The following RARB variants were observed in gnomAD, a reference collection of about 807,000 sequenced individuals.
The protein encoded by RARB is retinoic acid receptor beta.
RARB carries 17 observed loss-of-function variants against 51.9 expected under a neutral mutation model. The ratio of observed to expected loss-of-function variants is 0.33; its 90% CI spans 0.22 to 0.49. The LOEUF is 0.49. RARB is among the 20% of genes least tolerant of loss of function. The pLI is 0.99. For synonymous variants in RARB, 215 were observed against 195.4 expected, an observed-to-expected ratio of 1.10 and a Z score of -0.84; for missense variants, 369 against 550.8, an observed-to-expected ratio of 0.67 and a Z score of 3.30.
At chr3:25,134,713 G>T (rs1340710000) in intron 4 of RARB, among the ~76,000 whole-genome samples, 1 of 151,822 alleles carries the variant, frequency 6.6e-6, no homozygotes, top group African/African-American at 2.4e-5. Flanking sequence ...ATCCAGAATG[G>T]ATTAGAATTG....
chr3:25,490,738 A>T (rs946933190), intron 2 of RARB, among the ~76,000 whole-genome samples: 1 of 152,200 alleles, frequency 6.6e-6, no homozygotes, highest in Non-Finnish European at 1.5e-5. Flanking sequence ...TTAAAAACTT[A>T]AAATTCATTG....
intron 4 of RARB, among the ~76,000 whole-genome samples, chr3:25,135,179 A>G (rs1010722064): frequency 5.9e-5 from 9 of 151,978 alleles, no homozygotes; most frequent in African/African-American, 2.2e-4. Flanking sequence ...TAGAGTAGCC[A>G]CTAGCCAGGT....
intron 3 of RARB, among the ~76,000 whole-genome samples, chr3:25,532,530 G>A (rs915326403): frequency 6.6e-6 from 1 of 152,134 alleles, no homozygotes; most frequent in Non-Finnish European, 1.5e-5. Flanking sequence ...TTAGAGTGTC[G>A]TGGTAGTTTC....
intron 4 of RARB, among the ~76,000 whole-genome samples, chr3:25,171,245 A>C (rs1036949113): frequency 2.0e-5 from 3 of 151,808 alleles, no homozygotes; most frequent in Non-Finnish European, 4.4e-5. Context: ...GAAGGAAAGA[A>C]CCCCAGATGA....
rs180780753 is a variant in RARB, at chr3:25,205,763, G to A, written c.178+31188G>A. Among the ~76,000 whole-genome samples, 133 of 149,354 alleles carry A rather than the reference G, an allele frequency of 8.9e-4. No homozygotes were observed. In the Middle Eastern group the frequency reaches 0.01, roughly 11 times the overall value. On this transcript the variant is annotated intron_variant, in intron 5 of 11. Coordinates refer to the RARB transcript ENST00000383772. ...TTAAAAACCTTTTTTTTTTTCTTGA[G>A]ACGGGGTCTCACTCTGTTGCCCTAG...
chr3:25,461,052 A>G (rs1448673944), intron 1 of RARB, 141 bp from the exon 2 acceptor site: 9 of 952,362 alleles, frequency 9.5e-6, no homozygotes, highest in Non-Finnish European at 1.4e-5. Flanking sequence ...TGGGCCTACA[A>G]TGACAGCTGT....
chr3:24,883,035 T>G (rs1181685799), intron 2 of RARB, among the ~76,000 whole-genome samples: 1 of 152,192 alleles, frequency 6.6e-6, no homozygotes, highest in Non-Finnish European at 1.5e-5. Context: ...AAGCTGAACA[T>G]GTCAAACGGA....
At chr3:25,225,384 A>G (rs772332611) in intron 5 of RARB, among the ~76,000 whole-genome samples, 2 of 152,140 alleles carry the variant, frequency 1.3e-5, no homozygotes, top group Non-Finnish European at 2.9e-5. Context: ...GAAAAGGGTA[A>G]TATCTGAGTA....
intron 5 of RARB, among the ~76,000 whole-genome samples, chr3:25,302,481 T>G (rs970221367): frequency 6.6e-6 from 1 of 152,176 alleles, no homozygotes; most frequent in Non-Finnish European, 1.5e-5. Flanking sequence ...CCTGAATACA[T>G]TATGCTGAGT....
intron 5 of RARB, among the ~76,000 whole-genome samples, chr3:25,387,070 G>A (rs1706816628): frequency 6.6e-6 from 1 of 152,178 alleles, no homozygotes; most frequent in Admixed American, 6.5e-5. Flanking sequence ...TACAAATGTA[G>A]AAATGCATCT....
intron 2 of RARB, among the ~76,000 whole-genome samples, chr3:25,002,681 T>G (rs1697187213): frequency 6.6e-6 from 1 of 152,158 alleles, no homozygotes. Context: ...TGTGTATATA[T>G]AGTAAATATG....
intron 5 of RARB, among the ~76,000 whole-genome samples, chr3:25,407,969 G>T (rs919825342): frequency 6.6e-6 from 1 of 152,020 alleles, no homozygotes; most frequent in Non-Finnish European, 1.5e-5. Flanking sequence ...TGCCCACAGC[G>T]GTAACGTCTC....
intron 3 of RARB, among the ~76,000 whole-genome samples, chr3:25,503,891 C>G (rs182300836): frequency 9.9e-5 from 15 of 152,156 alleles, no homozygotes; most frequent in Admixed American, 9.2e-4. Flanking sequence ...TCTCATTTGA[C>G]GTACAAGTAC....
Position 25,562,369 on chromosome 3 carries a change from GT to G in RARB, c.449-7385del, listed in dbSNP as rs1007025952. Among the ~76,000 whole-genome samples the G allele has an allele frequency of 4.6e-5, 7 of 151,972 alleles. No individual in the cohort carries two copies. In the East Asian group the frequency reaches 5.8e-4, roughly 13 times the overall value. On this transcript the variant is annotated intron_variant, in intron 3 of 7. Coordinates refer to ENST00000330688, the MANE Select transcript of RARB (RefSeq NM_000965.5). ...TTTAATTTCCTTTTTTTAACATTCA[GT>G]TTTATGCCATAAATAAAAGGCTTCA...
At chr3:25,260,225 C>T (rs773682171) in intron 5 of RARB, among the ~76,000 whole-genome samples, 17 of 152,130 alleles carry the variant, frequency 1.1e-4, no homozygotes, top group Non-Finnish European at 2.2e-4. Flanking sequence ...AGTGCAAGAA[C>T]ACCAGGGTTT....
chr3:25,273,279 C>G (rs965054670), intron 5 of RARB, among the ~76,000 whole-genome samples: 1 of 152,206 alleles, frequency 6.6e-6, no homozygotes, highest in Non-Finnish European at 1.5e-5. Context: ...GCATGAGAAG[C>G]TCATGCTTTC....
chr3:25,574,288 C>T (rs973447702), intron 4 of RARB, among the ~76,000 whole-genome samples: 1 of 151,466 alleles, frequency 6.6e-6, no homozygotes. Flanking sequence ...ATCATTTGCA[C>T]CTCAGCTCCT....
At chr3:25,102,328 G>A (rs927473622) in intron 3 of RARB, among the ~76,000 whole-genome samples, 7 of 152,008 alleles carry the variant, frequency 4.6e-5, no homozygotes, top group Non-Finnish European at 8.8e-5. Flanking sequence ...ATCACCTGAG[G>A]TCAGGACTTC....
At chr3:25,549,513 C>T (rs1463127960) in intron 3 of RARB, among the ~76,000 whole-genome samples, 1 of 152,072 alleles carries the variant, frequency 6.6e-6, no homozygotes, top group African/African-American at 2.4e-5. Context: ...TGAACCAACT[C>T]GGGGTAGTCA....
Sources: allele counts gnomAD v4.1 joint callset (sites outside exome capture counted in the v4.1 genomes callset), GRCh38; gene constraint gnomAD v4.1.1; transcripts MANE v1.5; gene names NCBI Gene and HGNC (gene_info 2026-07-23, HGNC 2026-07-21).